STXBP6: variants seen among roughly 807,000 people sequenced by gnomAD.
STXBP6 encodes the protein syntaxin binding protein 6, also known as syntaxin-binding protein 6.
STXBP6 carries 21 observed loss-of-function variants against 26.9 expected under a neutral mutation model. That is an observed-to-expected ratio of 0.78 (90% CI 0.55 to 1.12). The LOEUF is 1.12. Among genes scored for constraint, STXBP6 ranks in the 50% most tolerant of loss-of-function variants. The pLI is 0.00. For missense variants in STXBP6, 232 were observed against 257.9 expected, an observed-to-expected ratio of 0.90 and a Z score of 0.69; for synonymous variants, 97 against 92.6, an observed-to-expected ratio of 1.05 and a Z score of -0.27.
In STXBP6 at chr14:24,907,680, A is replaced by C. The variant is rs574282200; in HGVS notation, c.155-50523T>G. On this transcript the variant is annotated intron_variant, in intron 2 of 5. Coordinates refer to ENST00000323944, the MANE Select transcript of STXBP6 (RefSeq NM_001394410.1). ...TTTAATAAGCATTTAAAAAAATCTT[A>C]TAACAAGTAGTTACACTGAATTCTA... 1.6e-4 allele frequency among the ~76,000 whole-genome samples: 24 copies of C among 152,330 alleles called. 1 individual carries two copies. The South Asian group carries it at 3.5e-3, about 22-fold the overall frequency.
chr14:24,930,631 C>T (rs17109333), intron 2 of STXBP6, among the ~76,000 whole-genome samples: 36,744 of 151,918 alleles, frequency 0.24, 4,671 homozygotes, highest in African/African-American at 0.32. Flanking sequence ...GCAGGTTTAC[C>T]AAAATTACAA....
At chr14:25,018,221 G>A (rs1038552663) in intron 1 of STXBP6, among the ~76,000 whole-genome samples, 22 of 152,140 alleles carry the variant, frequency 1.4e-4, no homozygotes, top group African/African-American at 2.2e-4. Flanking sequence ...GCCATTGCCC[G>A]TGGCTTCTGA....
At chr14:24,983,779 T>G (rs1046738419) in intron 1 of STXBP6, among the ~76,000 whole-genome samples, 2 of 152,224 alleles carry the variant, frequency 1.3e-5, no homozygotes, top group African/African-American at 4.8e-5. Flanking sequence ...TGATTTAAGC[T>G]AATTCTATTT....
At chr14:24,926,222 G>A (rs1389154442) in intron 2 of STXBP6, among the ~76,000 whole-genome samples, 1 of 151,938 alleles carries the variant, frequency 6.6e-6, no homozygotes, top group Non-Finnish European at 1.5e-5. Flanking sequence ...GTGAAGAAAA[G>A]GGAAAAAAAA....
At chr14:24,901,911 T>C (rs2071227474) in intron 2 of STXBP6, among the ~76,000 whole-genome samples, 1 of 152,170 alleles carries the variant, frequency 6.6e-6, no homozygotes, top group African/African-American at 2.4e-5. Context: ...GGAAATGTTC[T>C]GTGTTTTGAT....
intron 2 of STXBP6, among the ~76,000 whole-genome samples, chr14:24,863,837 C>T (rs1421465814): frequency 1.3e-5 from 2 of 152,066 alleles, no homozygotes; most frequent in Non-Finnish European, 2.9e-5. Flanking sequence ...AAAGGGAACA[C>T]ATACAATGAA....
chr14:24,976,805 A>C (rs958279616), intron 1 of STXBP6, among the ~76,000 whole-genome samples: 2 of 146,246 alleles, frequency 1.4e-5, no homozygotes, highest in African/African-American at 5.0e-5. Context: ...AAACCATTTG[A>C]TAAGCAATGT....
At chr14:24,884,588 C>T (rs528167455) in intron 2 of STXBP6, among the ~76,000 whole-genome samples, 8 of 152,304 alleles carry the variant, frequency 5.3e-5, no homozygotes, top group South Asian at 2.1e-4. Context: ...GGGCGGCATG[C>T]GCTGACATGG....
chr14:24,836,056 C>T (rs1181453690), intron 4 of STXBP6, among the ~76,000 whole-genome samples: 1 of 152,254 alleles, frequency 6.6e-6, no homozygotes, highest in Non-Finnish European at 1.5e-5. Context: ...ACTCTTTTCA[C>T]TGCTGCTCAA....
intron 2 of STXBP6, among the ~76,000 whole-genome samples, chr14:24,885,164 T>C (rs918758989): frequency 7.9e-5 from 12 of 152,124 alleles, no homozygotes; most frequent in Admixed American, 7.9e-4. Flanking sequence ...AAGAGGACCA[T>C]AAAGTTTCTG....
intron 2 of STXBP6, among the ~76,000 whole-genome samples, chr14:24,953,044 T>C (rs939480447): frequency 2.6e-5 from 4 of 152,264 alleles, no homozygotes; most frequent in African/African-American, 9.6e-5. Flanking sequence ...CCTTTTTGTC[T>C]AAAGGAGGCC....
intron 2 of STXBP6, among the ~76,000 whole-genome samples, chr14:24,885,283 C>T (rs1282096373): frequency 6.6e-6 from 1 of 152,184 alleles, no homozygotes; most frequent in East Asian, 1.9e-4. Flanking sequence ...CCACCTCTCC[C>T]AGGTGTTGCC....
intron 2 of STXBP6, among the ~76,000 whole-genome samples, chr14:24,873,620 T>C (rs959273282): frequency 5.3e-5 from 8 of 152,210 alleles, no homozygotes; most frequent in African/African-American, 1.9e-4. Flanking sequence ...GCCATTGTGG[T>C]GTCCCCATAG....
chr14:24,974,908 C>T, intron 1 of STXBP6, 58 bp from the exon 2 acceptor site: 6 of 1,120,766 alleles, frequency 5.4e-6, no homozygotes, highest in Non-Finnish European at 7.2e-6. Flanking sequence ...AGGGTTCATA[C>T]AATAATCAGC....
chr14:24,946,425 G>C (rs944567621), intron 2 of STXBP6, among the ~76,000 whole-genome samples: 6 of 152,172 alleles, frequency 3.9e-5, no homozygotes, highest in African/African-American at 1.4e-4. Flanking sequence ...CCAAAAGCAA[G>C]TGGTGGGGTA....
chr14:24,882,840 T>A (rs2070424686), intron 2 of STXBP6, among the ~76,000 whole-genome samples: 1 of 152,210 alleles, frequency 6.6e-6, no homozygotes, highest in South Asian at 2.1e-4. Flanking sequence ...AATTCAAATT[T>A]ACGTATCTAA....
At chr14:24,855,208 A>G (rs2069286237) in intron 4 of STXBP6, among the ~76,000 whole-genome samples, 1 of 152,108 alleles carries the variant, frequency 6.6e-6, no homozygotes, top group African/African-American at 2.4e-5. Flanking sequence ...TGATTAAGGC[A>G]AAGCTGGTGC....
chr14:24,919,539 T>C (rs2071903290), intron 2 of STXBP6, among the ~76,000 whole-genome samples: 1 of 152,090 alleles, frequency 6.6e-6, no homozygotes, highest in African/African-American at 2.4e-5. Context: ...TTTTTTTTTT[T>C]TTAAATCAAA....
At chr14:24,872,904 CT>C (rs762364844) in intron 2 of STXBP6, among the ~76,000 whole-genome samples, 6 of 152,156 alleles carry the variant, frequency 3.9e-5, no homozygotes, top group Admixed American at 1.3e-4. Context: ...TTTTATTTTT[CT>C]CTGTAACATT....
Sources: allele counts gnomAD v4.1 joint callset (sites outside exome capture counted in the v4.1 genomes callset), GRCh38; gene constraint gnomAD v4.1.1; transcripts MANE v1.5; gene names NCBI Gene and HGNC (gene_info 2026-07-23, HGNC 2026-07-21).